MTMR7: variants seen among roughly 807,000 people sequenced by gnomAD.
The protein encoded by MTMR7 is myotubularin related protein 7.
In MTMR7, 76 loss-of-function variants were observed where a neutral mutation model predicts 81.2. The observed-to-expected ratio is 0.94, with a 90% CI of 0.78 to 1.13. The LOEUF is 1.13. Ranked by LOEUF, MTMR7 falls within the 50% of genes most tolerant of loss-of-function variation. The probability of loss-of-function intolerance (pLI) is 0.00; values close to 1 mark genes in which losing one functional copy is unlikely to be tolerated. For missense variants in MTMR7, 1,044 were observed against 820.0 expected, an observed-to-expected ratio of 1.27 and a Z score of -3.34; for synonymous variants, 372 against 289.8, an observed-to-expected ratio of 1.28 and a Z score of -2.88.
intron 8 of MTMR7, among the ~76,000 whole-genome samples, chr8:17,312,458 C>G (rs1355385500): frequency 2.0e-5 from 3 of 151,502 alleles, no homozygotes; most frequent in Non-Finnish European, 4.4e-5. Flanking sequence ...GCCAGTAATT[C>G]CAGCTACTTG....
At chr8:17,340,072 C>T (rs1296490532) in intron 6 of MTMR7, among the ~76,000 whole-genome samples, 5 of 152,232 alleles carry the variant, frequency 3.3e-5, no homozygotes, top group African/African-American at 1.2e-4. Context: ...CCGCCTCAGC[C>T]TCCCCAGTAA....
chr8:17,310,099 C>A (rs568054486), intron 9 of MTMR7, among the ~76,000 whole-genome samples: 1 of 152,212 alleles, frequency 6.6e-6, no homozygotes, highest in Non-Finnish European at 1.5e-5. Context: ...CTCCTGAGCT[C>A]GAGCGATCCT....
At chr8:17,332,900 A>C (rs73552089) in intron 6 of MTMR7, among the ~76,000 whole-genome samples, 3,947 of 152,338 alleles carry the variant, frequency 0.026, 170 homozygotes, top group African/African-American at 0.089. Flanking sequence ...CAGCAATTAC[A>C]GCAGAAAGAC....
intron 1 of MTMR7, among the ~76,000 whole-genome samples, chr8:17,375,047 C>A (rs1423533267): frequency 6.6e-6 from 1 of 152,132 alleles, no homozygotes; most frequent in Non-Finnish European, 1.5e-5. Context: ...CGAGATCGCA[C>A]CACTGCACCC....
chr8:17,377,435 T>C (rs182604717), intron 1 of MTMR7, among the ~76,000 whole-genome samples: 1 of 152,246 alleles, frequency 6.6e-6, no homozygotes, highest in Non-Finnish European at 1.5e-5. Context: ...TGTTTTCTTT[T>C]TACCTCTTTG....
At chr8:17,396,985 C>T (rs376082461) in intron 1 of MTMR7, among the ~76,000 whole-genome samples, 1 of 151,982 alleles carries the variant, frequency 6.6e-6, no homozygotes, top group East Asian at 1.9e-4. Flanking sequence ...AGAAGGAAAC[C>T]TGCCGAATGG....
At chr8:17,312,816 AC>A (rs1376448975) in intron 8 of MTMR7, among the ~76,000 whole-genome samples, 1 of 152,182 alleles carries the variant, frequency 6.6e-6, no homozygotes, top group Non-Finnish European at 1.5e-5. Flanking sequence ...TTTAAAAAAA[AC>A]TGAACAACAC....
chr8:17,365,977 C>T (rs1156938688), intron 3 of MTMR7, among the ~76,000 whole-genome samples: 2 of 152,160 alleles, frequency 1.3e-5, no homozygotes, highest in Non-Finnish European at 2.9e-5. Flanking sequence ...TATTCTAGCA[C>T]CGGTGTTCAT....
intron 2 of MTMR7, among the ~76,000 whole-genome samples, chr8:17,372,391 G>C (rs1820445796): frequency 1.3e-5 from 2 of 152,116 alleles, no homozygotes; most frequent in Admixed American, 6.5e-5. Flanking sequence ...TTTGAGGCCA[G>C]CCTGGACAAC....
Position 17,373,224 on chromosome 8 carries a change from A to C in MTMR7, c.41T>G (p.Leu14Trp). The C allele has an allele frequency of 6.2e-7, 1 of 1,612,854 alleles. No homozygotes were observed. Among genetic ancestry groups the C allele is most frequent in the Non-Finnish European group, 8.5e-7 (1 of 1,179,404 alleles). The change falls in exon 2 of 14, where the codon TTG becomes TGG. Residue 14 changes from leucine (L) to tryptophan (W), a missense_variant. Leu to Trp is a moderately conservative substitution (Grantham distance 61, BLOSUM62 -2). Coordinates refer to ENST00000180173, the MANE Select transcript of MTMR7 (RefSeq NM_004686.5). Reference sequence around the variant, plus strand: ...TTTTTTAGGAGACACTCGATCTACCAAGCGGACATTTTCAACCTAGAGAAA... The same window carrying C: ...TTTTTTAGGAGACACTCGATCTACCCAGCGGACATTTTCAACCTAGAGAAA... ...IRTPKVENVR[L>W]VDRVSPKKAA...
intron 1 of MTMR7, among the ~76,000 whole-genome samples, chr8:17,376,635 T>A (rs1820599037): frequency 6.6e-6 from 1 of 152,150 alleles, no homozygotes; most frequent in Admixed American, 6.5e-5. Flanking sequence ...GTCATCCTAA[T>A]ATGCGATCTC....
chr8:17,353,081 G>C (rs1221168210), intron 4 of MTMR7, among the ~76,000 whole-genome samples: 1 of 152,078 alleles, frequency 6.6e-6, no homozygotes, highest in Non-Finnish European at 1.5e-5. Context: ...GCAAAATGTG[G>C]TATATCATTA....
chr8:17,363,789 T>C (rs879320654), intron 3 of MTMR7, among the ~76,000 whole-genome samples: 2 of 152,046 alleles, frequency 1.3e-5, no homozygotes, highest in South Asian at 2.1e-4. Context: ...AAAGCGCCAC[T>C]AGCACAGATG....
chr8:17,299,601 T>A lies in MTMR7; in HGVS notation c.*261A>T. ...CAGGTAATGACAGAAGTAATTGCTC[T>A]GCAGTGAATATAATTTTCATAGTCT... is the stretch of plus-strand genomic sequence containing the variant. On this transcript the variant is annotated 3_prime_UTR_variant, in exon 14 of 14. Coordinates refer to ENST00000180173, the MANE Select transcript of MTMR7 (RefSeq NM_004686.5). The A allele has an allele frequency of 2.2e-6, 1 of 454,012 alleles. No homozygotes were observed. The highest frequency in any genetic ancestry group is 3.5e-5 in the Admixed American group (1 of 28,676). The allele number at this position is 454,012 out of a possible 1,614,324, so 28.1% of individuals were successfully genotyped here.
intron 1 of MTMR7, among the ~76,000 whole-genome samples, chr8:17,387,667 C>G (rs1273413900): frequency 6.6e-6 from 1 of 152,188 alleles, no homozygotes; most frequent in Non-Finnish European, 1.5e-5. Flanking sequence ...ACTTGGGGTA[C>G]TTGATACACA....
At chr8:17,403,375 C>G (rs1821483470) in intron 1 of MTMR7, among the ~76,000 whole-genome samples, 1 of 152,104 alleles carries the variant, frequency 6.6e-6, no homozygotes, top group Non-Finnish European at 1.5e-5. Flanking sequence ...TTTTCGAAAA[C>G]AAGTCCACTG....
intron 1 of MTMR7, among the ~76,000 whole-genome samples, chr8:17,408,275 C>G (rs894357740): frequency 5.3e-5 from 6 of 113,748 alleles, no homozygotes; most frequent in East Asian, 2.7e-4. Context: ...TGTAGTCCCA[C>G]CTACTTGGGA....
chr8:17,361,335 C>A, intron 3 of MTMR7, 61 bp from the exon 4 acceptor site: 1 of 1,591,318 alleles, frequency 6.3e-7, no homozygotes, highest in South Asian at 1.1e-5. Context: ...CCAAATCTCC[C>A]CGAAAACATT....
At position 17,341,453 on chromosome 8, in the gene MTMR7, G is replaced by C. The variant is rs368000827; in HGVS notation, c.642C>G (p.Ala214=). ...RSSQPLSGFS[A]RCLEDEQMLQ... ...GCATCTGCTCGTCCTCTAGGCACCG[G>C]GCACTGAAGCCGGACAGGGGCTGGC... is the stretch of plus-strand genomic sequence containing the variant. The change falls in exon 6 of 14, where the codon GCC becomes GCG. Residue 214 remains alanine (A), a synonymous_variant. Transcript: ENST00000180173. 3.1e-6 allele frequency: 5 copies of C among 1,613,998 alleles called. No individual in the cohort carries two copies. The highest frequency in any genetic ancestry group is 4.2e-6 in the Non-Finnish European group (5 of 1,180,020).
Sources: allele counts gnomAD v4.1 joint callset (sites outside exome capture counted in the v4.1 genomes callset), GRCh38; gene constraint gnomAD v4.1.1; transcripts MANE v1.5; gene names NCBI Gene and HGNC (gene_info 2026-07-23, HGNC 2026-07-21).